GPR161: variants seen among roughly 807,000 people sequenced by gnomAD.
GPR161 encodes the protein G protein-coupled receptor 161.
A neutral mutation model predicts 39.2 loss-of-function variants in GPR161; 25 were observed. The observed-to-expected ratio is 0.64, with a 90% CI of 0.47 to 0.89. The LOEUF (loss-of-function observed/expected upper bound fraction) is 0.89, where lower values mean the gene tolerates loss of function less well. Ranked by LOEUF, GPR161 falls within the 40% of genes least tolerant of loss-of-function variation. The pLI, the probability that GPR161 is intolerant of heterozygous loss-of-function variation, is 0.00. For synonymous variants in GPR161, 286 were observed against 276.6 expected (o/e 1.03, Z -0.34); for missense variants, 547 against 677.8 (o/e 0.81, Z 2.14).
chr1:168,122,281 T>C (rs1454318188), intron 1 of GPR161, among the ~76,000 whole-genome samples: 1 of 152,182 alleles, frequency 6.6e-6, no homozygotes, highest in Non-Finnish European at 1.5e-5. Flanking sequence ...CATTAGCAAA[T>C]CTATTGGCTC....
Position 168,084,868 on chromosome 1 carries a change from G to A in GPR161, c.*663C>T, listed in dbSNP as rs1694322742. On this transcript the variant is annotated 3_prime_UTR_variant, in exon 6 of 6. Transcript: ENST00000682931. ...TGAAATACCAAAGAACTTGTCAGTA[G>A]GGAAGTAGGCAGGGTGGGCCAGTCT... 2.2e-6 allele frequency: 1 copy of A among 456,234 alleles called. No homozygotes were observed. 28.3% of individuals were successfully genotyped at this position (456,234 alleles called of 1,614,324 possible). A position where few individuals can be genotyped will look rare whatever the true frequency, so the allele number is the denominator to read the frequency against.
At chr1:168,122,202 C>A (rs1370212678) in intron 1 of GPR161, among the ~76,000 whole-genome samples, 1 of 152,344 alleles carries the variant, frequency 6.6e-6, no homozygotes, top group East Asian at 1.9e-4. Context: ...TCCCATCCTT[C>A]CAGTTGTGCA....
chr1:168,079,850 G>C lies in GPR161; in HGVS notation c.*5681C>G, dbSNP rs1420093656. 1 of 152,068 alleles carries C rather than the reference G, an allele frequency of 6.6e-6. No individual in the cohort carries two copies. Among genetic ancestry groups the C allele is most frequent in the Non-Finnish European group, 1.5e-5 (1 of 68,020 alleles). The allele number at this position is 152,068 out of a possible 1,614,324, so 9.4% of individuals were successfully genotyped here. On this transcript the variant is annotated 3_prime_UTR_variant, in exon 6 of 6. Coordinates refer to ENST00000682931, the MANE Select transcript of GPR161 (RefSeq NM_001375883.1). ...CTGCCAGGCCTGTGATTCTCCCTAG[G>C]ACTGTCTTTTCCTCTGGGAGGACTG...
chr1:168,116,183 C>A (rs573430535), intron 1 of GPR161, among the ~76,000 whole-genome samples: 1 of 152,292 alleles, frequency 6.6e-6, no homozygotes, highest in East Asian at 1.9e-4. Context: ...GAGCAGAATG[C>A]ACCACTCCAT....
chr1:168,103,673 C>T (rs574504572), intron 2 of GPR161, among the ~76,000 whole-genome samples: 1 of 152,308 alleles, frequency 6.6e-6, no homozygotes, highest in Admixed American at 6.5e-5. Context: ...TTTCCCTAAC[C>T]CCACTACTTA....
chr1:168,120,451 G>A (rs575166140), intron 1 of GPR161, among the ~76,000 whole-genome samples: 1 of 152,204 alleles, frequency 6.6e-6, no homozygotes, highest in African/African-American at 2.4e-5. Context: ...GAAGGGACTT[G>A]CCTTGTCTTA....
upstream of GPR161, chr1:168,136,952 C>T: frequency 1.1e-6 from 1 of 922,276 alleles, no homozygotes; most frequent in Non-Finnish European, 1.3e-6. Context: ...GCCCGCGCCC[C>T]GCCCCGCCCC....
At chr1:168,097,313 A>C in intron 2 of GPR161, 81 bp from the exon 3 acceptor site, 1 of 1,439,960 alleles carries the variant, frequency 6.9e-7, no homozygotes, top group Non-Finnish European at 9.5e-7. Context: ...AGGGGCTCCC[A>C]TGACTGGGTT....
chr1:168,131,908 G>A (rs1057107569), intron 1 of GPR161, among the ~76,000 whole-genome samples: 1 of 152,186 alleles, frequency 6.6e-6, no homozygotes, highest in East Asian at 1.9e-4. Flanking sequence ...TTTGATGGAG[G>A]AATTAGAGGA....
intron 1 of GPR161, among the ~76,000 whole-genome samples, chr1:168,113,624 A>G (rs1697398227): frequency 6.6e-6 from 1 of 152,280 alleles, no homozygotes; most frequent in African/African-American, 2.4e-5. Flanking sequence ...AAAATGTGGT[A>G]CATATGCACC....
At position 168,085,616 on chromosome 1, in the gene GPR161, C is replaced by T. The variant is rs148848526; in HGVS notation, c.1505G>A (p.Arg502His). The change falls in exon 6 of 6, where the codon CGC becomes CAC. Residue 502 changes from arginine (R) to histidine (H), a missense_variant. Physicochemically the swap from Arg to His is conservative, Grantham distance 29. Transcript: ENST00000682931. ...RTVPGGGFGG[R>H]RGSRTLVSQR... ...GCTCACAAGAGTTCTGCTGCCTCGG[C>T]GGCCCCCGAAGCCGCCCCCCGGGAC... 184 of 1,613,926 alleles carry T rather than the reference C, an allele frequency of 1.1e-4. 2 individuals carry two copies. The African/African-American group carries it at 1.9e-3, about 16-fold the overall frequency.
intron 1 of GPR161, among the ~76,000 whole-genome samples, chr1:168,133,466 G>T (rs1357128471): frequency 3.3e-5 from 5 of 152,092 alleles, no homozygotes; most frequent in Admixed American, 3.3e-4. Context: ...CATCAAGAGG[G>T]GAATGTTTAA....
intron 1 of GPR161, 82 bp from the exon 2 acceptor site, chr1:168,104,976 A>C (rs1696472104): frequency 9.1e-7 from 1 of 1,095,534 alleles, no homozygotes; most frequent in Non-Finnish European, 1.3e-6. Context: ...AAAGGCTTAA[A>C]GGGGTTAAGT....
At chr1:168,101,738 C>G (rs371334314) in intron 2 of GPR161, among the ~76,000 whole-genome samples, 1 of 152,198 alleles carries the variant, frequency 6.6e-6, no homozygotes, top group Non-Finnish European at 1.5e-5. Context: ...ATATGACAAG[C>G]GTGTAACATT....
chr1:168,094,091 G>C (rs1030666351), intron 3 of GPR161, among the ~76,000 whole-genome samples: 2 of 152,208 alleles, frequency 1.3e-5, no homozygotes, highest in Non-Finnish European at 2.9e-5. Context: ...AACCACAGCT[G>C]GTGTTTTCCG....
At position 168,096,870 on chromosome 1, in the gene GPR161, G is replaced by A. The variant is rs748021526; in HGVS notation, c.737C>T (p.Thr246Ile). 2.5e-6 allele frequency: 4 copies of A among 1,614,074 alleles called. No individual in the cohort carries two copies. Among genetic ancestry groups the A allele is most frequent in the African/African-American group, 2.7e-5 (2 of 74,932 alleles). The change falls in exon 3 of 6, where the codon ACC (threonine) becomes ATC (isoleucine). Residue 246 changes from threonine to isoleucine, a missense_variant. Coordinates refer to ENST00000682931, the MANE Select transcript of GPR161 (RefSeq NM_001375883.1). ...RTGRKNSSTS[T>I]SSSGSRRNAF... ...ATTCCTCCTGCTGCCTGAAGAGGAG[G>A]TGGAGGTGCTGGAGTTCTTCCTCCC... is the stretch of plus-strand genomic sequence containing the variant.
At chr1:168,101,639 C>T (rs1696113686) in intron 2 of GPR161, among the ~76,000 whole-genome samples, 1 of 152,198 alleles carries the variant, frequency 6.6e-6, no homozygotes, top group African/African-American at 2.4e-5. Flanking sequence ...CCTCACTTTG[C>T]TCATCTGCAA....
rs947787314 is a variant in GPR161, at chr1:168,105,840, C to A, written c.-44-946G>T. Among the ~76,000 whole-genome samples, 4 of 152,360 alleles carry A rather than the reference C, an allele frequency of 2.6e-5. No homozygotes were observed. In the South Asian group the frequency reaches 8.3e-4, roughly 32 times the overall value. The stretch of plus-strand genomic sequence containing the variant: ...GCCAAAAAACCCCACAGATCACTTT[C>A]CCCACCTGCTCTCATTCTCTGCACA... On this transcript the variant is annotated intron_variant, in intron 1 of 5. Transcript: ENST00000682931.
chr1:168,123,414 T>C (rs1359101119), intron 1 of GPR161, among the ~76,000 whole-genome samples: 1 of 152,096 alleles, frequency 6.6e-6, no homozygotes, highest in Non-Finnish European at 1.5e-5. Flanking sequence ...TCTATGATTG[T>C]ACCACTACAC....
Sources: allele counts gnomAD v4.1 joint callset (sites outside exome capture counted in the v4.1 genomes callset), GRCh38; gene constraint gnomAD v4.1.1; transcripts MANE v1.5; gene names NCBI Gene and HGNC (gene_info 2026-07-23, HGNC 2026-07-21).